NXN: variants seen among roughly 807,000 people sequenced by gnomAD.
NXN encodes nucleoredoxin 1.
NXN carries 16 observed loss-of-function variants against 48.6 expected under a neutral mutation model. That is an observed-to-expected ratio of 0.33 (90% CI 0.22 to 0.50). The LOEUF (loss-of-function observed/expected upper bound fraction) is 0.50, where lower values mean the gene tolerates loss of function less well. NXN is among the 20% of genes least tolerant of loss of function. The probability of loss-of-function intolerance (pLI) is 0.98; values close to 1 mark genes in which losing one functional copy is unlikely to be tolerated. For missense variants in NXN, 492 were observed against 605.5 expected (o/e 0.81, Z 1.97); for synonymous variants, 281 against 269.6 (o/e 1.04, Z -0.41).
chr17:876,010 C>T (rs1367570293), intron 1 of NXN, among the ~76,000 whole-genome samples: 17 of 151,876 alleles, frequency 1.1e-4, no homozygotes, highest in Non-Finnish European at 2.4e-4. Flanking sequence ...GGTGAAACCC[C>T]GTCTCTACTA....
chr17:879,883 C>G (rs760350259), intron 1 of NXN: 26 of 152,274 alleles, frequency 1.7e-4, no homozygotes, highest in African/African-American at 6.3e-4. Context: ...CTCACAGGTA[C>G]GGAATCCAAC....
intron 1 of NXN, among the ~76,000 whole-genome samples, chr17:915,566 T>C (rs1033893047): frequency 5.3e-5 from 8 of 152,182 alleles, no homozygotes; most frequent in Admixed American, 2.0e-4. Flanking sequence ...ATTACAGATA[T>C]AAGACACCAC....
At chr17:872,879 C>T (rs1290473528) in intron 1 of NXN, among the ~76,000 whole-genome samples, 1 of 152,076 alleles carries the variant, frequency 6.6e-6, no homozygotes, top group African/African-American at 2.4e-5. Context: ...CCTTGGCCTC[C>T]CAGTGTTGGG....
chr17:826,527 G>A (rs973795010), intron 1 of NXN, among the ~76,000 whole-genome samples: 2 of 152,228 alleles, frequency 1.3e-5, no homozygotes. Context: ...CCACCAGGTG[G>A]TTAAGGAAGG....
At chr17:893,071 A>C (rs1291967223) in intron 1 of NXN, among the ~76,000 whole-genome samples, 2 of 152,266 alleles carry the variant, frequency 1.3e-5, no homozygotes, top group Non-Finnish European at 2.9e-5. Context: ...AAAAATTTAA[A>C]GTCTTCAGAC....
chr17:891,252 A>C (rs1597699270), intron 1 of NXN, among the ~76,000 whole-genome samples: 2 of 152,098 alleles, frequency 1.3e-5, no homozygotes, highest in South Asian at 4.2e-4. Flanking sequence ...TTTTTTGTAG[A>C]AATGAGGTCT....
intron 1 of NXN, among the ~76,000 whole-genome samples, chr17:867,324 C>T (rs1302080203): frequency 2.3e-5 from 3 of 129,332 alleles, no homozygotes; most frequent in East Asian, 2.5e-4. Context: ...CGGGGTTCTC[C>T]GGGGAATCCT....
rs17618572 is a variant in NXN at position 831,075 on chromosome 17, G to C, written c.361-4997C>G. On this transcript the variant is annotated intron_variant, in intron 1 of 7. Coordinates refer to ENST00000336868, the MANE Select transcript of NXN (RefSeq NM_022463.5). ...GAAAAGAAATTTGAGAGCGAAAACT[G>C]CAAGAACAATGTGCTTGAACAGGAA... Among the ~76,000 whole-genome samples the C allele has an allele frequency of 5.9e-3, 888 of 151,624 alleles. 5 individuals carry two copies. Among genetic ancestry groups the C allele is most frequent in the Non-Finnish European group, 0.01 (711 of 67,980 alleles).
At chr17:818,957 T>C (rs923848861) in intron 5 of NXN, among the ~76,000 whole-genome samples, 1 of 152,014 alleles carries the variant, frequency 6.6e-6, no homozygotes, top group Non-Finnish European at 1.5e-5. Context: ...TTAGTAGTAG[T>C]ATTTTTTGAG....
chr17:875,753 T>A (rs1467649775), intron 1 of NXN, among the ~76,000 whole-genome samples: 1 of 140,960 alleles, frequency 7.1e-6, no homozygotes, highest in Non-Finnish European at 1.6e-5. Flanking sequence ...TGACCATGCC[T>A]GGTAAATTAA....
Position 938,081 on chromosome 17 carries a change from TGCAATG to T in NXN, c.360+41232_360+41237del, listed in dbSNP as rs552560093. ...TTTGAAAACCCACCAAGGCCAACCT[TGCAATG>T]GCCTTCTGCGTAGCAGCAAATACAC... On this transcript the variant is annotated intron_variant, in intron 1 of 7. Coordinates refer to ENST00000336868, the MANE Select transcript of NXN (RefSeq NM_022463.5). Among the ~76,000 whole-genome samples, 253 of 152,358 alleles carry T rather than the reference TGCAATG, an allele frequency of 1.7e-3. 1 individual carries two copies. Among genetic ancestry groups the T allele is most frequent in the African/African-American group, 5.7e-3 (239 of 41,592 alleles).
In NXN at chr17:800,582, C is replaced by A. The variant is rs553421244; in HGVS notation, c.*367G>T. On this transcript the variant is annotated 3_prime_UTR_variant, in exon 8 of 8. Coordinates refer to ENST00000336868, the MANE Select transcript of NXN (RefSeq NM_022463.5). ...TCTGGCCGTCCGGGGCCGTGTGTGC[C>A]GACGTCAGAGTCAGAGCCCGAGCGG... 3 of 164,542 alleles carry A rather than the reference C, an allele frequency of 1.8e-5. No individual in the cohort carries two copies. The South Asian group carries it at 6.1e-4, about 33-fold the overall frequency. 10.2% of individuals were successfully genotyped at this position (164,542 alleles called of 1,614,324 possible). A position where few individuals can be genotyped will look rare whatever the true frequency, so the allele number is the denominator to read the frequency against.
intron 1 of NXN, among the ~76,000 whole-genome samples, chr17:883,844 C>A (rs1408015910): frequency 6.6e-6 from 1 of 152,158 alleles, no homozygotes; most frequent in African/African-American, 2.4e-5. Context: ...GAGGCCCAGG[C>A]AGGCGGATGA....
chr17:920,191 C>T lies in NXN; in HGVS notation c.360+59128G>A, dbSNP rs376726155. ...CTGGGATGACAAGCACGAGCCATCA[C>T]GCCCAGTCTACACCCCGAAATCCAA... On this transcript the variant is annotated intron_variant, in intron 1 of 7. Transcript: ENST00000336868. This position sits in a 1 kb window ranked among gnomAD's most constrained non-coding sequence, Gnocchi z 4.6. Among the ~76,000 whole-genome samples, 34 of 151,988 alleles carry T rather than the reference C, an allele frequency of 2.2e-4. No individual in the cohort carries two copies. Among genetic ancestry groups the T allele is most frequent in the Middle Eastern group, 3.2e-3 (1 of 316 alleles).
At chr17:808,392 T>C (rs1362150289) in intron 5 of NXN, among the ~76,000 whole-genome samples, 1 of 149,408 alleles carries the variant, frequency 6.7e-6, no homozygotes, top group Non-Finnish European at 1.5e-5. Context: ...AAGCTCCACC[T>C]CCCGGGTTCA....
At chr17:947,428 A>G (rs2069055643) in intron 1 of NXN, among the ~76,000 whole-genome samples, 1 of 152,120 alleles carries the variant, frequency 6.6e-6, no homozygotes, top group African/African-American at 2.4e-5. Flanking sequence ...GGATTCGACT[A>G]ACCCCAAATC....
chr17:977,069 A>T (rs1159120479), intron 1 of NXN, among the ~76,000 whole-genome samples: 1 of 152,162 alleles, frequency 6.6e-6, no homozygotes, highest in African/African-American at 2.4e-5. Flanking sequence ...CCCGGCAATA[A>T]TTCCTTTTAA....
At position 914,646 on chromosome 17, in the gene NXN, C is replaced by T. The variant is rs771549612; in HGVS notation, c.360+64673G>A. 1.2e-3 allele frequency among the ~76,000 whole-genome samples: 176 copies of T among 152,248 alleles called. 1 individual carries two copies. Among genetic ancestry groups the T allele is most frequent in the Non-Finnish European group, 2.0e-3 (139 of 68,022 alleles). ...ACCTTGTGCTGAGCATCGAACCAGG[C>T]GGAGACAAAGATGAGGAGCAGAGAC... On this transcript the variant is annotated intron_variant, in intron 1 of 7. Transcript: ENST00000336868.
chr17:903,999 T>C (rs2068560205), intron 1 of NXN, among the ~76,000 whole-genome samples: 1 of 152,232 alleles, frequency 6.6e-6, no homozygotes, highest in Admixed American at 6.5e-5. Context: ...GCTGCATTTG[T>C]AGACGCAGAA....
Sources: allele counts gnomAD v4.1 joint callset (sites outside exome capture counted in the v4.1 genomes callset), GRCh38; gene constraint gnomAD v4.1.1; non-coding constraint Gnocchi (gnomAD v3.1); transcripts MANE v1.5; gene names NCBI Gene and HGNC (gene_info 2026-07-23, HGNC 2026-07-21).